Variants in FGF2 observed in about 807,000 individuals in gnomAD.
FGF2 encodes the protein fibroblast growth factor 2.
Under a neutral mutation model 15.9 loss-of-function variants are expected in FGF2, and 13 were observed. The observed-to-expected ratio is 0.82, with a 90% confidence interval of 0.53 to 1.30. FGF2 has a LOEUF of 1.30. FGF2 is among the 50% of genes most tolerant of loss of function. The pLI is 0.00. For missense variants in FGF2, 163 were observed against 196.9 expected, an observed-to-expected ratio of 0.83 and a Z score of 1.03; for synonymous variants, 90 against 78.4, an observed-to-expected ratio of 1.15 and a Z score of -0.78.
At chr4:122,833,668 A>G (rs1292040113) in intron 1 of FGF2, among the ~76,000 whole-genome samples, 2 of 152,292 alleles carry the variant, frequency 1.3e-5, no homozygotes, top group East Asian at 3.9e-4. Context: ...ACTAAATGTC[A>G]GCTGATGAGG....
At chr4:122,837,971 A>G (rs1456479303) in intron 1 of FGF2, among the ~76,000 whole-genome samples, 2 of 152,192 alleles carry the variant, frequency 1.3e-5, no homozygotes, top group East Asian at 3.8e-4. Context: ...AGTTCTCCTT[A>G]CATATTTATA....
Position 122,892,584 on chromosome 4 carries a change from T to C in FGF2, c.*188T>C. 1 of 1,444,142 alleles carries C rather than the reference T, an allele frequency of 6.9e-7. No homozygotes were observed. Among genetic ancestry groups the C allele is most frequent in the Non-Finnish European group, 9.1e-7 (1 of 1,103,990 alleles). 89.5% of individuals were successfully genotyped at this position (1,444,142 alleles called of 1,614,324 possible). A position where few individuals can be genotyped will look rare whatever the true frequency, so the allele number is the denominator to read the frequency against. On this transcript the variant is annotated 3_prime_UTR_variant, in exon 3 of 3. Coordinates refer to ENST00000644866, the MANE Select transcript of FGF2 (RefSeq NM_001361665.2). ...GAAAAATAACAAAAGTTGTAAAATG[T>C]ATATTCTCCCTTTTATATTGCATCT...
chr4:122,838,091 C>T (rs1287421840), intron 1 of FGF2, among the ~76,000 whole-genome samples: 1 of 152,094 alleles, frequency 6.6e-6, no homozygotes, highest in Non-Finnish European at 1.5e-5. Context: ...AAGACATAGA[C>T]AGAAGGTGTT....
chr4:122,827,251 T>A lies in FGF2; in HGVS notation c.77T>A (p.Phe26Tyr), dbSNP rs1207110793. ...AGCGGCGCCTTCCCGCCCGGCCACT[T>A]CAAGGACCCCAAGCGGCTGTACTGC... Reference protein sequence around the residue: ...GGSGAFPPGHFKDPKRLYCKN... With the variant: ...GGSGAFPPGHYKDPKRLYCKN... Residue 26 changes from phenylalanine to tyrosine, a missense_variant, in exon 1 of 3, where the codon TTC becomes TAC. Phe to Tyr is a conservative substitution (Grantham distance 22). Coordinates refer to ENST00000644866, the MANE Select transcript of FGF2 (RefSeq NM_001361665.2). This position sits in a 1 kb window ranked among gnomAD's most constrained non-coding sequence, Gnocchi z 4.2. 1.2e-6 allele frequency: 2 copies of A among 1,612,066 alleles called. No individual in the cohort carries two copies. Among genetic ancestry groups the A allele is most frequent in the African/African-American group, 2.7e-5 (2 of 74,848 alleles).
intron 1 of FGF2, among the ~76,000 whole-genome samples, chr4:122,866,726 C>T (rs781175397): frequency 8.5e-5 from 13 of 152,170 alleles, no homozygotes; most frequent in Non-Finnish European, 1.2e-4. Context: ...TTGGAACTCT[C>T]ATATATTGTG....
intron 2 of FGF2, among the ~76,000 whole-genome samples, chr4:122,880,984 T>C (rs1456659159): frequency 2.0e-5 from 3 of 152,166 alleles, no homozygotes; most frequent in African/African-American, 7.2e-5. Context: ...AATTCTTGAC[T>C]TCTGTGCACC....
At chr4:122,864,521 T>A (rs1726532357) in intron 1 of FGF2, among the ~76,000 whole-genome samples, 1 of 152,220 alleles carries the variant, frequency 6.6e-6, no homozygotes, top group South Asian at 2.1e-4. Flanking sequence ...ATTTTCCTGA[T>A]GGTCTCATAT....
chr4:122,841,990 G>A (rs1280975651), intron 1 of FGF2, among the ~76,000 whole-genome samples: 1 of 152,178 alleles, frequency 6.6e-6, no homozygotes, highest in East Asian at 1.9e-4. Context: ...TAGAACTGTA[G>A]AGCTTTTATG....
At chr4:122,846,181 T>C (rs952051350) in intron 1 of FGF2, among the ~76,000 whole-genome samples, 1 of 152,192 alleles carries the variant, frequency 6.6e-6, no homozygotes, top group African/African-American at 2.4e-5. Context: ...TTTGCTGTCT[T>C]ATATGGGTGT....
chr4:122,837,422 A>G (rs552079826), intron 1 of FGF2, among the ~76,000 whole-genome samples: 1 of 152,228 alleles, frequency 6.6e-6, no homozygotes, highest in Non-Finnish European at 1.5e-5. Flanking sequence ...TTTTGGAAAC[A>G]TATCACTTGA....
At chr4:122,859,142 A>T (rs1166867657) in intron 1 of FGF2, among the ~76,000 whole-genome samples, 4 of 152,178 alleles carry the variant, frequency 2.6e-5, no homozygotes, top group Non-Finnish European at 4.4e-5. Flanking sequence ...TTGGGTTTCA[A>T]ATTACTTAAA....
intron 1 of FGF2, among the ~76,000 whole-genome samples, chr4:122,864,125 T>C (rs1041730209): frequency 3.9e-5 from 6 of 152,146 alleles, no homozygotes; most frequent in African/African-American, 9.7e-5. Context: ...AGTTGATACA[T>C]TAAAAAAAAA....
intron 1 of FGF2, among the ~76,000 whole-genome samples, chr4:122,842,490 T>G: frequency 6.6e-6 from 1 of 152,226 alleles, no homozygotes; most frequent in East Asian, 1.9e-4. Flanking sequence ...ATGAGTTTAC[T>G]GAATTGTGTG....
chr4:122,865,063 G>C (rs999014589), intron 1 of FGF2, among the ~76,000 whole-genome samples: 1 of 152,052 alleles, frequency 6.6e-6, no homozygotes, highest in Admixed American at 6.5e-5. Flanking sequence ...CAAATGTACA[G>C]TTTTTACATA....
chr4:122,852,235 G>A lies in FGF2; in HGVS notation c.179-24086G>A, dbSNP rs544094645. On this transcript the variant is annotated intron_variant, in intron 1 of 2. Coordinates refer to ENST00000644866, the MANE Select transcript of FGF2 (RefSeq NM_001361665.2). ...GAATGTGTCATGCAGCTGCAGTCAA[G>A]TGGTCACGGGGACAAGAATATCTGA... Among the ~76,000 whole-genome samples, 5 of 152,314 alleles carry A rather than the reference G, an allele frequency of 3.3e-5. No homozygotes were observed. In the South Asian group the frequency reaches 8.3e-4, roughly 25 times the overall value.
At chr4:122,881,008 C>A (rs555027183) in intron 2 of FGF2, among the ~76,000 whole-genome samples, 3 of 151,988 alleles carry the variant, frequency 2.0e-5, no homozygotes, top group Non-Finnish European at 4.4e-5. Context: ...AGGCTCAACA[C>A]CATGTGGAAG....
intron 1 of FGF2, among the ~76,000 whole-genome samples, chr4:122,849,151 A>G (rs920929564): frequency 1.2e-4 from 18 of 152,204 alleles, no homozygotes; most frequent in Admixed American, 3.9e-4. Context: ...CAAAACAATA[A>G]AATCTCTTTG....
intron 1 of FGF2, among the ~76,000 whole-genome samples, chr4:122,867,955 G>A (rs1174665309): frequency 6.6e-6 from 1 of 152,078 alleles, no homozygotes; most frequent in Non-Finnish European, 1.5e-5. Context: ...TATACTGAAG[G>A]TCTGCATTTT....
chr4:122,893,168 G>T lies in FGF2; in HGVS notation c.*772G>T. ...GTGCTGTTGCCGAATACTCAGGACG[G>T]ACCTGAATTCTGATTTTATACCAGT... On this transcript the variant is annotated 3_prime_UTR_variant, in exon 3 of 3. Coordinates refer to ENST00000644866, the MANE Select transcript of FGF2 (RefSeq NM_001361665.2). 6.2e-7 allele frequency: 1 copy of T among 1,614,010 alleles called. No individual in the cohort carries two copies. Among genetic ancestry groups the T allele is most frequent in the Non-Finnish European group, 8.5e-7 (1 of 1,179,988 alleles).
Sources: allele counts gnomAD v4.1 joint callset (sites outside exome capture counted in the v4.1 genomes callset), GRCh38; gene constraint gnomAD v4.1.1; non-coding constraint Gnocchi (gnomAD v3.1); transcripts MANE v1.5; gene names NCBI Gene and HGNC (gene_info 2026-07-23, HGNC 2026-07-21).